The following MKRN2 variants were observed in gnomAD, a reference collection of about 807,000 sequenced individuals.
MKRN2 encodes E3 ubiquitin-protein ligase makorin-2.
In MKRN2, 32 loss-of-function variants were observed where a neutral mutation model predicts 45.4. The observed-to-expected ratio is 0.70, with a 90% CI of 0.53 to 0.95. The LOEUF (loss-of-function observed/expected upper bound fraction) is 0.95, where lower values mean the gene tolerates loss of function less well. MKRN2 is among the 40% of genes least tolerant of loss of function. MKRN2 has a pLI of 0.00. For synonymous variants in MKRN2, 206 were observed against 192.4 expected (o/e 1.07, Z -0.59); for missense variants, 526 against 536.7 (o/e 0.98, Z 0.20).
chr3:12,576,291 A>T (rs1195209860), intron 5 of MKRN2, among the ~76,000 whole-genome samples: 1 of 150,976 alleles, frequency 6.6e-6, no homozygotes, highest in Non-Finnish European at 1.5e-5. Flanking sequence ...TTACATGGGT[A>T]TCCATGTGCC....
rs549917891 is a variant in MKRN2, at chr3:12,572,383, C to A, written c.642+10C>A. ...GAAGGCTCATGAAAAGGTAAAGTCA[C>A]AAACCTTTGCATGAACTCATGTTAA... On this transcript the variant is annotated intron_variant, in intron 4 of 7. Transcript: ENST00000170447. The A allele has an allele frequency of 4.5e-6, 7 of 1,544,276 alleles. No individual in the cohort carries two copies. Among genetic ancestry groups the A allele is most frequent in the South Asian group, 2.5e-5 (2 of 80,632 alleles).
chr3:12,561,420 G>C (rs1282630639), intron 1 of MKRN2, among the ~76,000 whole-genome samples: 1 of 152,172 alleles, frequency 6.6e-6, no homozygotes, highest in African/African-American at 2.4e-5. Flanking sequence ...ATAGTATCTG[G>C]TAGAGGGCCT....
chr3:12,560,890 C>G (rs565203874), intron 1 of MKRN2: 47 of 152,316 alleles, frequency 3.1e-4, no homozygotes, highest in African/African-American at 1.1e-3. Flanking sequence ...GTTGGAAATT[C>G]ATTACAAAGC....
chr3:12,557,817 G>A (rs2057993548), intron 1 of MKRN2, among the ~76,000 whole-genome samples: 1 of 152,238 alleles, frequency 6.6e-6, no homozygotes, highest in Non-Finnish European at 1.5e-5. Context: ...AACTGAGACC[G>A]AAAGACGTTG....
At chr3:12,572,821 G>T (rs1035030137) in intron 4 of MKRN2, among the ~76,000 whole-genome samples, 1 of 152,120 alleles carries the variant, frequency 6.6e-6, no homozygotes, top group Non-Finnish European at 1.5e-5. Context: ...CTGACCTCAA[G>T]TTGTCCGCCT....
chr3:12,569,687 CAGGG>C (rs1445200167), intron 2 of MKRN2, among the ~76,000 whole-genome samples: 5 of 152,020 alleles, frequency 3.3e-5, no homozygotes, highest in African/African-American at 1.2e-4. Context: ...GAGAGACAGT[CAGGG>C]AGAGATCATT....
chr3:12,581,730 G>A (rs972132437), intron 6 of MKRN2, 78 bp from the exon 7 acceptor site: 12 of 1,518,540 alleles, frequency 7.9e-6, no homozygotes, highest in Non-Finnish European at 1.1e-5. Flanking sequence ...AGGGTGGTAA[G>A]GATGGAGGCA....
In MKRN2 at chr3:12,570,163, C is replaced by T; in HGVS notation, c.248C>T (p.Pro83Leu). 6.2e-7 allele frequency: 1 copy of T among 1,614,180 alleles called. No individual in the cohort carries two copies. The highest frequency in any genetic ancestry group is 1.3e-5 in the African/African-American group (1 of 75,060). Residue 83 changes from proline to leucine, a missense_variant, in exon 3 of 8, where the codon CCT becomes CTT. Coordinates refer to ENST00000170447, the MANE Select transcript of MKRN2 (RefSeq NM_014160.5). ...VPSPAFHSPHPPSEVTASIVK... is the reference protein window; with the variant it reads ...VPSPAFHSPHLPSEVTASIVK... ...TCCCCAGCTTTCCACAGTCCTCACC[C>T]TCCTTCCGAGGTCACTGCATCCATT...
intron 6 of MKRN2, among the ~76,000 whole-genome samples, chr3:12,581,309 G>A (rs1432878669): frequency 1.3e-5 from 2 of 152,198 alleles, no homozygotes; most frequent in African/African-American, 2.4e-5. Flanking sequence ...GGAGACCTAT[G>A]GCTTTAGGCA....
At chr3:12,574,189 C>T (rs2058117024) in intron 4 of MKRN2, among the ~76,000 whole-genome samples, 1 of 152,198 alleles carries the variant, frequency 6.6e-6, no homozygotes, top group Non-Finnish European at 1.5e-5. Context: ...TGTGTGAGGT[C>T]TCTGCGGTGA....
chr3:12,580,453 C>A (rs971012204), intron 6 of MKRN2, among the ~76,000 whole-genome samples: 19 of 150,072 alleles, frequency 1.3e-4, no homozygotes, highest in Non-Finnish European at 2.8e-4. Flanking sequence ...ACCCTACCCC[C>A]CCGCCACCAC....
chr3:12,581,459 G>T (rs2058177823), intron 6 of MKRN2, among the ~76,000 whole-genome samples: 2 of 152,154 alleles, frequency 1.3e-5, no homozygotes, highest in African/African-American at 4.8e-5. Flanking sequence ...GTGCCCAGAG[G>T]AGTGACCAGG....
chr3:12,582,563 G>T lies in MKRN2; in HGVS notation c.*310G>T, dbSNP rs5746258. 3 of 270,420 alleles carry T rather than the reference G, an allele frequency of 1.1e-5. No homozygotes were observed. The highest frequency in any genetic ancestry group is 1.4e-4 in the East Asian group (2 of 14,160). 16.8% of individuals were successfully genotyped at this position (270,420 alleles called of 1,614,324 possible). On this transcript the variant is annotated 3_prime_UTR_variant, in exon 8 of 8. Transcript: ENST00000170447. ...ATTGATTGCTTTAAAAAACAAACCT[G>T]GCTCTTACCTTTGATCTTTTCTTCC...
At chr3:12,559,857 A>G (rs1340515615) in intron 1 of MKRN2, among the ~76,000 whole-genome samples, 1 of 152,104 alleles carries the variant, frequency 6.6e-6, no homozygotes, top group African/African-American at 2.4e-5. Flanking sequence ...TCCTCTTGTG[A>G]TAGAGCTTCC....
intron 4 of MKRN2, among the ~76,000 whole-genome samples, chr3:12,574,112 G>A (rs889836542): frequency 5.3e-5 from 8 of 152,064 alleles, no homozygotes; most frequent in South Asian, 2.1e-4. Flanking sequence ...ATGTGGCAGC[G>A]GACAAGGAGA....
intron 1 of MKRN2, among the ~76,000 whole-genome samples, chr3:12,567,553 A>G (rs183499919): frequency 6.9e-6 from 1 of 144,992 alleles, no homozygotes; most frequent in African/African-American, 2.6e-5. Flanking sequence ...CAATGGCGCA[A>G]TCTCGGCTCA....
rs192903231 is a variant in MKRN2 at position 12,564,259 on chromosome 3, G to C, written c.27-4616G>C. Among the ~76,000 whole-genome samples, 22 of 152,210 alleles carry C rather than the reference G, an allele frequency of 1.4e-4. No homozygotes were observed. The East Asian group carries it at 3.9e-3, about 27-fold the overall frequency. On this transcript the variant is annotated intron_variant, in intron 1 of 7. Transcript: ENST00000170447. ...CTGGGCCTGGCCTGAATTATTTTGTGTCTATACCCAGAAGTGGAATTGCCG... is the reference window on the plus strand; with the variant it reads ...CTGGGCCTGGCCTGAATTATTTTGTCTCTATACCCAGAAGTGGAATTGCCG...
chr3:12,582,209 G>A lies in MKRN2; in HGVS notation c.1207G>A (p.Asp403Asn). ...NEDVDMTELGDLFMHLSGVES... is the reference protein window; with the variant it reads ...NEDVDMTELGNLFMHLSGVES... ...AGATGTCGACATGACAGAGCTCGGG[G>A]ACCTCTTCATGCACCTTTCTGGAGT... The change falls in exon 8 of 8, where the codon GAC becomes AAC. Residue 403 changes from aspartate (D) to asparagine (N), a missense_variant. Transcript: ENST00000170447. 6.2e-7 allele frequency: 1 copy of A among 1,614,114 alleles called. No individual in the cohort carries two copies. Among genetic ancestry groups the A allele is most frequent in the East Asian group, 2.2e-5 (1 of 44,876 alleles).
Position 12,582,398 on chromosome 3 carries a change from C to G in MKRN2, c.*145C>G, listed in dbSNP as rs1053259279. On this transcript the variant is annotated 3_prime_UTR_variant, in exon 8 of 8. Transcript: ENST00000170447. Reference sequence around the variant, plus strand: ...GGGCTTAGCCTTAGTCTCATTCAATCTCCATTATTACAGCCATGGGGAAGA... The same window carrying G: ...GGGCTTAGCCTTAGTCTCATTCAATGTCCATTATTACAGCCATGGGGAAGA... 1 of 976,302 alleles carries G rather than the reference C, an allele frequency of 1.0e-6. No individual in the cohort carries two copies. Among genetic ancestry groups the G allele is most frequent in the Non-Finnish European group, 1.5e-6 (1 of 652,658 alleles). 60.5% of individuals were successfully genotyped at this position (976,302 alleles called of 1,614,324 possible).
Sources: gnomAD v4.1 joint callset for allele counts (sites outside exome capture counted in the v4.1 genomes callset) on GRCh38, gnomAD v4.1.1 for gene constraint, MANE v1.5 for transcripts, NCBI Gene and HGNC (gene_info 2026-07-23, HGNC 2026-07-21) for gene names.